FAM107B: variants seen among roughly 807,000 people sequenced by gnomAD.
FAM107B encodes family with sequence similarity 107 member B, also known as protein FAM107B.
In FAM107B, 21 loss-of-function variants were observed where a neutral mutation model predicts 31.5. The observed-to-expected ratio is 0.67, with a 90% CI of 0.47 to 0.96. The LOEUF is 0.96. Among genes scored for constraint, FAM107B ranks in the 40% least tolerant of loss-of-function variants. The probability of loss-of-function intolerance (pLI) is 0.00; values close to 1 mark genes in which losing one functional copy is unlikely to be tolerated. For synonymous variants in FAM107B, 157 were observed against 141.5 expected, an observed-to-expected ratio of 1.11 and a Z score of -0.78; for missense variants, 452 against 377.1, an observed-to-expected ratio of 1.20 and a Z score of -1.64.
chr10:14,590,014 G>A (rs1250024452), intron 2 of FAM107B, among the ~76,000 whole-genome samples: 1 of 152,128 alleles, frequency 6.6e-6, no homozygotes. Context: ...CATTTAACAT[G>A]TTCAAAAGAA....
chr10:14,594,538 AAATGCATTCTCCAACTGGAATCCC>A (rs1201345830), intron 2 of FAM107B, among the ~76,000 whole-genome samples: 5 of 151,836 alleles, frequency 3.3e-5, no homozygotes, highest in African/African-American at 9.6e-5. Flanking sequence ...CAAAACTGGC[AAATGCATTCTCCAACTGGAATCCC>A]AATCTCTTTG....
chr10:14,700,483 C>T (rs759742081), intron 1 of FAM107B, among the ~76,000 whole-genome samples: 8 of 152,050 alleles, frequency 5.3e-5, no homozygotes, highest in African/African-American at 9.6e-5. Flanking sequence ...TCGAATTTAA[C>T]GCAGGGATAG....
chr10:14,617,639 T>C (rs1455166379), intron 2 of FAM107B, among the ~76,000 whole-genome samples: 3 of 151,428 alleles, frequency 2.0e-5, no homozygotes, highest in Non-Finnish European at 4.4e-5. Context: ...CTTCAACACA[T>C]GTAAAGCAAG....
intron 2 of FAM107B, among the ~76,000 whole-genome samples, chr10:14,618,764 G>A (rs1852917533): frequency 2.0e-5 from 3 of 152,154 alleles, no homozygotes; most frequent in South Asian, 4.1e-4. Flanking sequence ...TTGAACCCGG[G>A]AGACAGAGGT....
chr10:14,635,856 T>G (rs1853485598), intron 2 of FAM107B, among the ~76,000 whole-genome samples: 1 of 152,080 alleles, frequency 6.6e-6, no homozygotes, highest in Non-Finnish European at 1.5e-5. Flanking sequence ...GGTCTTGAAC[T>G]CCTGACCTCA....
intron 2 of FAM107B, among the ~76,000 whole-genome samples, chr10:14,619,328 C>T (rs1279490573): frequency 1.3e-5 from 2 of 152,126 alleles, no homozygotes; most frequent in Admixed American, 1.3e-4. Flanking sequence ...CATGAGAGTC[C>T]TGGTTGTTCT....
At chr10:14,715,636 T>TGAGGG (rs1855762665) in intron 1 of FAM107B, among the ~76,000 whole-genome samples, 1 of 152,178 alleles carries the variant, frequency 6.6e-6, no homozygotes, top group African/African-American at 2.4e-5. Context: ...TGGGCACCAT[T>TGAGGG]CAATCTATTG....
chr10:14,658,732 G>A (rs1361922403), intron 2 of FAM107B, among the ~76,000 whole-genome samples: 1 of 152,150 alleles, frequency 6.6e-6, no homozygotes, highest in Non-Finnish European at 1.5e-5. Context: ...TTTAAAAAGA[G>A]CAAGGGTTCA....
At chr10:14,572,736 AAT>A (rs1491450326) in intron 2 of FAM107B, among the ~76,000 whole-genome samples, 34 of 86,386 alleles carry the variant, frequency 3.9e-4, no homozygotes, top group African/African-American at 1.4e-3. Flanking sequence ...AAAAAAAAAA[AAT>A]TTATATATAT....
chr10:14,707,804 GCA>G (rs1379052043), intron 1 of FAM107B, among the ~76,000 whole-genome samples: 1 of 152,160 alleles, frequency 6.6e-6, no homozygotes, highest in Non-Finnish European at 1.5e-5. Flanking sequence ...AGTGAAATGT[GCA>G]CATGTCTTGG....
rs1470307525 is a variant in FAM107B, at chr10:14,598,358, G to A, written c.470-67843C>T. 2.0e-5 allele frequency among the ~76,000 whole-genome samples: 3 copies of A among 152,166 alleles called. No individual in the cohort carries two copies. The South Asian group carries it at 6.2e-4, about 32-fold the overall frequency. On this transcript the variant is annotated intron_variant, in intron 2 of 4. Transcript: ENST00000181796. ...AAACACATGTGGTAATATACATACA[G>A]TGGAATACCAGGCAGCCTTAGAAAA...
At chr10:14,691,928 C>T (rs1053468298) in intron 1 of FAM107B, among the ~76,000 whole-genome samples, 4 of 150,150 alleles carry the variant, frequency 2.7e-5, no homozygotes, top group African/African-American at 7.4e-5. Flanking sequence ...TAGGAGTAGG[C>T]AGCATCTGGA....
intron 1 of FAM107B, among the ~76,000 whole-genome samples, chr10:14,720,445 G>A (rs1262436193): frequency 1.3e-5 from 2 of 152,114 alleles, no homozygotes; most frequent in African/African-American, 2.4e-5. Context: ...GTAGAGACAG[G>A]GTTTTACCAT....
At chr10:14,539,285 G>A (rs1346833947) in intron 2 of FAM107B, among the ~76,000 whole-genome samples, 1 of 152,152 alleles carries the variant, frequency 6.6e-6, no homozygotes, top group Admixed American at 6.5e-5. Context: ...GCCAAAGTTG[G>A]GTACCCAAGA....
chr10:14,663,091 T>G (rs1163050150), intron 2 of FAM107B, among the ~76,000 whole-genome samples: 2 of 152,238 alleles, frequency 1.3e-5, no homozygotes, highest in African/African-American at 4.8e-5. Flanking sequence ...GTTCTTCAGC[T>G]TTTGGACTCT....
chr10:14,521,970 T>C lies in FAM107B; in HGVS notation c.703A>G (p.Arg235Gly). The change falls in exon 4 of 5, where the codon AGA becomes GGA. Residue 235 changes from arginine to glycine, a missense_variant. Transcript: ENST00000181796. ...TGCTTTATTACTTGGTCTCGTTTTC[T>C]TTTTTCCATCACCTTCTGCAATTCT... Reference protein sequence around the residue: ...KPELQKVMEKRKRDQVIKQKE... With the variant: ...KPELQKVMEKGKRDQVIKQKE... 1 of 1,614,174 alleles carries C rather than the reference T, an allele frequency of 6.2e-7. No homozygotes were observed. Among genetic ancestry groups the C allele is most frequent in the Non-Finnish European group, 8.5e-7 (1 of 1,180,036 alleles).
intron 1 of FAM107B, among the ~76,000 whole-genome samples, chr10:14,729,484 G>A (rs1189471147): frequency 1.1e-5 from 1 of 90,140 alleles, no homozygotes; most frequent in African/African-American, 6.2e-5. Flanking sequence ...TCAAGGAGTA[G>A]TGTGATGAGT....
At chr10:14,726,208 G>A (rs1410610670) in intron 1 of FAM107B, among the ~76,000 whole-genome samples, 1 of 152,158 alleles carries the variant, frequency 6.6e-6, no homozygotes, top group Non-Finnish European at 1.5e-5. Context: ...GGCCAGGCTG[G>A]CCTTGAACTC....
At chr10:14,735,856 T>C (rs1856288264) in intron 1 of FAM107B, among the ~76,000 whole-genome samples, 1 of 152,126 alleles carries the variant, frequency 6.6e-6, no homozygotes, top group Admixed American at 6.5e-5. Context: ...AGATTTGGGG[T>C]TAGCATGACT....
Sources: gnomAD v4.1 joint callset for allele counts (sites outside exome capture counted in the v4.1 genomes callset) on GRCh38, gnomAD v4.1.1 for gene constraint, MANE v1.5 for transcripts, NCBI Gene and HGNC (gene_info 2026-07-23, HGNC 2026-07-21) for gene names.